Variants in TCF12 observed in about 807,000 individuals in gnomAD.
TCF12 encodes the protein transcription factor 12.
A neutral mutation model predicts 86.0 loss-of-function variants in TCF12; 45 were observed. That is an observed-to-expected ratio of 0.52 (90% CI 0.41 to 0.67). TCF12 has a LOEUF of 0.67. TCF12 is among the 30% of genes least tolerant of loss of function. TCF12 has a pLI of 0.00. For synonymous variants in TCF12, 330 were observed against 299.6 expected, an observed-to-expected ratio of 1.10 and a Z score of -1.05; for missense variants, 881 against 859.9, an observed-to-expected ratio of 1.02 and a Z score of -0.31.
downstream of TCF12, among the ~76,000 whole-genome samples, chr15:57,291,307 GTTA>G (rs200129755): frequency 0.04 from 6,097 of 152,192 alleles, 371 homozygotes; most frequent in Admixed American, 0.17. Context: ...TATGTAAATC[GTTA>G]TTATGCTGTA....
chr15:56,954,375 A>G (rs895814561), intron 3 of TCF12, among the ~76,000 whole-genome samples: 8 of 152,212 alleles, frequency 5.3e-5, no homozygotes, highest in African/African-American at 1.9e-4. Flanking sequence ...ATATGTAGAA[A>G]GGTGAAACCG....
At chr15:57,290,392 CTG>C (rs1245506008), downstream of TCF12, among the ~76,000 whole-genome samples, 1 of 150,158 alleles carries the variant, frequency 6.7e-6, no homozygotes, top group African/African-American at 2.5e-5. Context: ...CCCAGTCACA[CTG>C]TGTGGGTGGA....
At chr15:57,219,149 T>G (rs2058460340) in intron 8 of TCF12, 1 of 1,067,810 alleles carries the variant, frequency 9.4e-7, no homozygotes, top group African/African-American at 1.6e-5. Context: ...AATCTGTCAG[T>G]ATGCCTTCCT....
intron 3 of TCF12, among the ~76,000 whole-genome samples, chr15:56,923,026 A>G (rs1222947997): frequency 6.6e-6 from 1 of 152,038 alleles, no homozygotes; most frequent in East Asian, 1.9e-4. Context: ...TTAAGGAGCT[A>G]AAGATCTGAC....
At chr15:57,183,446 C>T (rs1346183402) in intron 6 of TCF12, among the ~76,000 whole-genome samples, 13 of 152,106 alleles carry the variant, frequency 8.5e-5, no homozygotes, top group African/African-American at 3.1e-4. Flanking sequence ...ATCTGTCAAT[C>T]CTCTCTAGGG....
intron 8 of TCF12, among the ~76,000 whole-genome samples, chr15:57,218,479 A>C (rs1365563701): frequency 6.6e-6 from 1 of 152,244 alleles, no homozygotes; most frequent in Non-Finnish European, 1.5e-5. Context: ...TATGAGTTAG[A>C]AATGTCTGTA....
In TCF12 at chr15:57,037,500, A is replaced by C. The variant is rs116251325; in HGVS notation, c.149-26250A>C. Among the ~76,000 whole-genome samples the C allele has an allele frequency of 6.2e-3, 939 of 152,332 alleles. 8 individuals are homozygous for C. Among genetic ancestry groups the C allele is most frequent in the African/African-American group, 0.021 (892 of 41,568 alleles). On this transcript the variant is annotated intron_variant, in intron 3 of 20. Transcript: ENST00000333725. ...CCTAACTGTAGGATGAAGTAAGTGC[A>C]CAGTAGAAGATCAAGAGCTCTAGTG...
At chr15:57,045,243 C>CA (rs2067154517) in intron 3 of TCF12, among the ~76,000 whole-genome samples, 1 of 152,000 alleles carries the variant, frequency 6.6e-6, no homozygotes, top group Admixed American at 6.5e-5. Context: ...GGAACTGGGG[C>CA]AAAAAAGTGT....
intron 8 of TCF12, among the ~76,000 whole-genome samples, chr15:57,212,271 T>A (rs1256029282): frequency 1.3e-5 from 2 of 151,598 alleles, no homozygotes; most frequent in African/African-American, 4.8e-5. Context: ...TCTTTTTTGC[T>A]TTTGTTCATT....
chr15:56,923,736 T>A (rs2059891819), intron 3 of TCF12, among the ~76,000 whole-genome samples: 2 of 152,152 alleles, frequency 1.3e-5, no homozygotes, highest in South Asian at 2.1e-4. Flanking sequence ...TAGTAGATTG[T>A]TTGTATGATA....
At chr15:57,203,828 G>T (rs1202384607) in intron 8 of TCF12, among the ~76,000 whole-genome samples, 1 of 152,104 alleles carries the variant, frequency 6.6e-6, no homozygotes, top group African/African-American at 2.4e-5. Flanking sequence ...TTCAAGACCA[G>T]CCTGAGCAAC....
At chr15:56,975,337 G>C (rs534864116) in intron 3 of TCF12, among the ~76,000 whole-genome samples, 25 of 152,266 alleles carry the variant, frequency 1.6e-4, no homozygotes, top group Admixed American at 4.6e-4. Flanking sequence ...AGCCATATTA[G>C]AGTGATTGAA....
At chr15:57,159,786 G>A (rs139488240) in intron 5 of TCF12, among the ~76,000 whole-genome samples, 8 of 152,298 alleles carry the variant, frequency 5.3e-5, no homozygotes, top group African/African-American at 1.9e-4. Flanking sequence ...ATGCAAATCA[G>A]AATGTCTTAC....
intron 3 of TCF12, among the ~76,000 whole-genome samples, chr15:57,051,550 T>G (rs2067620033): frequency 6.6e-6 from 1 of 152,112 alleles, no homozygotes; most frequent in East Asian, 1.9e-4. Context: ...CTCGAATTCC[T>G]AGACTTGAAG....
intron 3 of TCF12, among the ~76,000 whole-genome samples, chr15:57,054,770 C>T (rs1239653436): frequency 2.7e-4 from 20 of 74,930 alleles, no homozygotes; most frequent in African/African-American, 9.7e-4. Context: ...TGCAATGCCT[C>T]TGCTTTTTTT....
chr15:57,195,183 A>G (rs1400867725), intron 7 of TCF12, among the ~76,000 whole-genome samples: 2 of 152,190 alleles, frequency 1.3e-5, no homozygotes, highest in East Asian at 1.9e-4. Flanking sequence ...GATTACAGGC[A>G]TGAGCCACCG....
intron 3 of TCF12, among the ~76,000 whole-genome samples, chr15:57,022,700 C>T (rs1257419689): frequency 6.6e-6 from 1 of 152,172 alleles, no homozygotes; most frequent in African/African-American, 2.4e-5. Flanking sequence ...TAAAAGTGTT[C>T]CTATTTCTCC....
At chr15:57,108,925 A>G (rs1220968663) in intron 5 of TCF12, among the ~76,000 whole-genome samples, 14 of 152,338 alleles carry the variant, frequency 9.2e-5, no homozygotes, top group Admixed American at 3.9e-4. Flanking sequence ...TTTTAAAATT[A>G]TAATAAACTA....
intron 5 of TCF12, among the ~76,000 whole-genome samples, chr15:57,110,220 A>C (rs1205526730): frequency 6.6e-6 from 1 of 152,218 alleles, no homozygotes. Context: ...GAAAGATTTA[A>C]TTAATGTGAT....
Sources: gnomAD v4.1 joint callset for allele counts (sites outside exome capture counted in the v4.1 genomes callset) on GRCh38, gnomAD v4.1.1 for gene constraint, MANE v1.5 for transcripts, NCBI Gene and HGNC (gene_info 2026-07-23, HGNC 2026-07-21) for gene names.